Variants in FIGN observed in about 807,000 individuals in gnomAD.
FIGN encodes fidgetin, microtubule severing factor.
In FIGN, 11 loss-of-function variants were observed where a neutral mutation model predicts 51.3. That is an observed-to-expected ratio of 0.21 (90% confidence interval 0.13 to 0.35). The LOEUF (loss-of-function observed/expected upper bound fraction) is 0.35, where lower values mean the gene tolerates loss of function less well. FIGN is among the 10% of genes least tolerant of loss of function. FIGN has a pLI of 1.00. For synonymous variants in FIGN, 407 were observed against 363.2 expected (o/e 1.12, Z -1.37); for missense variants, 857 against 943.6 (o/e 0.91, Z 1.20).
intron 2 of FIGN, among the ~76,000 whole-genome samples, chr2:163,648,417 T>C (rs920236025): frequency 1.2e-4 from 18 of 152,202 alleles, no homozygotes; most frequent in African/African-American, 3.9e-4. Flanking sequence ...AGCCAAGTCC[T>C]GCCCTGGGAA....
chr2:163,610,041 C>T lies in FIGN; in HGVS notation c.1791G>A (p.Glu597=), dbSNP rs1448012927. The T allele has an allele frequency of 1.2e-6, 2 of 1,614,062 alleles. No individual in the cohort carries two copies. The highest frequency in any genetic ancestry group is 2.7e-5 in the African/African-American group (2 of 75,020). ...TCATCCGACTGACTGGACTATGTTCCTCATTCACTTGAGAGGAGAGAAGCA... is the reference window on the plus strand; with the variant it reads ...TCATCCGACTGACTGGACTATGTTCTTCATTCACTTGAGAGGAGAGAAGCA... ...IDMLLSSQVN[E]EHSPVSRMRT... Residue 597 remains glutamate (E), a synonymous_variant, in exon 3 of 3, where the codon GAG becomes GAA. Transcript: ENST00000333129.
At chr2:163,659,909 C>T (rs1168432337) in intron 2 of FIGN, among the ~76,000 whole-genome samples, 1 of 151,958 alleles carries the variant, frequency 6.6e-6, no homozygotes, top group African/African-American at 2.4e-5. Flanking sequence ...TCAAGACCAG[C>T]CTGGCCAACA....
rs1691048742 is a variant in FIGN, at chr2:163,604,795, T to G, written c.*4757A>C. Reference sequence around the variant, plus strand: ...ACCCACATACAAGAGAGAGCGAGAGTTAGAGACAGAGAGAGAGAGAGAGAG... The same window carrying G: ...ACCCACATACAAGAGAGAGCGAGAGGTAGAGACAGAGAGAGAGAGAGAGAG... On this transcript the variant is annotated 3_prime_UTR_variant, in exon 3 of 3. Coordinates refer to ENST00000333129, the MANE Select transcript of FIGN (RefSeq NM_018086.4). 1 of 129,662 alleles carries G rather than the reference T, an allele frequency of 7.7e-6. No individual in the cohort carries two copies. The highest frequency in any genetic ancestry group is 2.7e-4 in the East Asian group (1 of 3,756). The allele number at this position is 129,662 out of a possible 1,614,324, so 8.0% of individuals were successfully genotyped here.
At chr2:163,727,086 A>G (rs1354446253) in intron 2 of FIGN, among the ~76,000 whole-genome samples, 2 of 152,142 alleles carry the variant, frequency 1.3e-5, no homozygotes, top group South Asian at 2.1e-4. Flanking sequence ...AAGAGTTTAC[A>G]ATCTTCAATT....
chr2:163,663,898 G>GA (rs141764346), intron 2 of FIGN, among the ~76,000 whole-genome samples: 15,853 of 145,672 alleles, frequency 0.11, 845 homozygotes, highest in Admixed American at 0.13. Context: ...GAAAAGAAAA[G>GA]AAAAAAAAAA....
chr2:163,625,633 T>C (rs998165529), intron 2 of FIGN, among the ~76,000 whole-genome samples: 2 of 152,040 alleles, frequency 1.3e-5, no homozygotes, highest in African/African-American at 2.4e-5. Flanking sequence ...CTAAAATAAA[T>C]ATATTATCTA....
chr2:163,630,474 C>T (rs1683128589), intron 2 of FIGN, among the ~76,000 whole-genome samples: 1 of 152,086 alleles, frequency 6.6e-6, no homozygotes, highest in Non-Finnish European at 1.5e-5. Context: ...CAGGTGCAAA[C>T]CCTGGCCAAA....
chr2:163,624,607 T>TA (rs1477650381), intron 2 of FIGN, among the ~76,000 whole-genome samples: 1 of 151,512 alleles, frequency 6.6e-6, no homozygotes, highest in Non-Finnish European at 1.5e-5. Context: ...GGAAAGGAAA[T>TA]ACAGAGGTGG....
At chr2:163,641,968 T>A (rs796337426) in intron 2 of FIGN, among the ~76,000 whole-genome samples, 5 of 152,352 alleles carry the variant, frequency 3.3e-5, no homozygotes, top group African/African-American at 9.6e-5. Context: ...TGCATTAGGA[T>A]GTATTTCACT....
chr2:163,714,453 C>T (rs148861299), intron 2 of FIGN, among the ~76,000 whole-genome samples: 1 of 152,174 alleles, frequency 6.6e-6, no homozygotes, highest in Admixed American at 6.5e-5. Context: ...AGAGGCAATG[C>T]AAAGCAAACC....
chr2:163,718,250 A>G (rs1413871373), intron 2 of FIGN, among the ~76,000 whole-genome samples: 1 of 152,200 alleles, frequency 6.6e-6, no homozygotes, highest in East Asian at 1.9e-4. Flanking sequence ...GGGGAAAAAC[A>G]GCACAGCTCA....
At chr2:163,688,992 T>C (rs1426149541) in intron 2 of FIGN, among the ~76,000 whole-genome samples, 1 of 151,738 alleles carries the variant, frequency 6.6e-6, no homozygotes, top group Non-Finnish European at 1.5e-5. Flanking sequence ...CAAAACCCTA[T>C]CTCTTGAAAA....
At chr2:163,729,492 CTGTT>C (rs1405417785) in intron 2 of FIGN, among the ~76,000 whole-genome samples, 3 of 151,994 alleles carry the variant, frequency 2.0e-5, no homozygotes, top group Admixed American at 1.3e-4. Flanking sequence ...TCCTTAATAA[CTGTT>C]TGGTTAAAAG....
intron 2 of FIGN, among the ~76,000 whole-genome samples, chr2:163,702,226 A>G (rs183429939): frequency 3.9e-5 from 6 of 152,142 alleles, no homozygotes; most frequent in Admixed American, 3.9e-4. Flanking sequence ...TGCATTTTTA[A>G]TTTTGTACTA....
chr2:163,714,869 T>C (rs1438458406), intron 2 of FIGN, among the ~76,000 whole-genome samples: 1 of 152,204 alleles, frequency 6.6e-6, no homozygotes. Context: ...ATGACCACTA[T>C]AGCATTCCAA....
In FIGN at chr2:163,657,115, G is replaced by GAA. The variant is rs774955287; in HGVS notation, c.26-45311_26-45310dup. 4.0e-3 allele frequency among the ~76,000 whole-genome samples: 368 copies of GAA among 91,038 alleles called. 2 individuals are homozygous for GAA. Among genetic ancestry groups the GAA allele is most frequent in the African/African-American group, 0.011 (297 of 27,424 alleles). The allele number at this position is 91,038 out of a possible 152,430, so 59.7% of individuals were successfully genotyped here. Reference sequence around the variant, plus strand: ...CGTTACTGTAGACTCTCCTCCAAGAGAAAAAAAAAAAAAAACAGAAATGGT... The same window carrying GAA: ...CGTTACTGTAGACTCTCCTCCAAGAGAAAAAAAAAAAAAAAAACAGAAATGGT... On this transcript the variant is annotated intron_variant, in intron 2 of 2. Coordinates refer to ENST00000333129, the MANE Select transcript of FIGN (RefSeq NM_018086.4).
At chr2:163,676,819 A>T (rs534200745) in intron 2 of FIGN, among the ~76,000 whole-genome samples, 3 of 152,208 alleles carry the variant, frequency 2.0e-5, no homozygotes, top group South Asian at 2.1e-4. Context: ...ACTATCCAAG[A>T]TATGTACCTC....
chr2:163,686,777 T>TACACACAC (rs151050116), intron 2 of FIGN, among the ~76,000 whole-genome samples: 12 of 146,308 alleles, frequency 8.2e-5, no homozygotes, highest in African/African-American at 2.8e-4. Context: ...TATATACACA[T>TACACACAC]ACACACACAC....
At chr2:163,682,711 C>T (rs558072894) in intron 2 of FIGN, among the ~76,000 whole-genome samples, 6 of 152,220 alleles carry the variant, frequency 3.9e-5, no homozygotes, top group Non-Finnish European at 5.9e-5. Context: ...TGAACAGAAA[C>T]AGAAATATGA....
Sources: gnomAD v4.1 joint callset for allele counts (sites outside exome capture counted in the v4.1 genomes callset) on GRCh38, gnomAD v4.1.1 for gene constraint, MANE v1.5 for transcripts, NCBI Gene and HGNC (gene_info 2026-07-23, HGNC 2026-07-21) for gene names.